ELF4: variants seen among roughly 807,000 people sequenced by gnomAD.
ELF4 encodes E74 like ETS transcription factor 4, also known as ETS-related transcription factor Elf-4.
ELF4 carries 10 observed loss-of-function variants against 31.7 expected under a neutral mutation model. The ratio of observed to expected loss-of-function variants is 0.32; its 90% CI spans 0.19 to 0.54. ELF4 has a LOEUF of 0.54. ELF4 is among the 20% of genes least tolerant of loss of function. The pLI, the probability that ELF4 is intolerant of heterozygous loss-of-function variation, is 0.95. For missense variants in ELF4, 418 were observed against 522.0 expected, an observed-to-expected ratio of 0.80 and a Z score of 1.94; for synonymous variants, 208 against 226.7, an observed-to-expected ratio of 0.92 and a Z score of 0.74.
At chrX:130,088,043 A>T (rs1421331265) in intron 1 of ELF4, among the ~76,000 whole-genome samples, 1 of 110,806 alleles carries the variant, frequency 9.0e-6, no homozygotes, top group African/African-American at 3.3e-5. Flanking sequence ...AGCGACTGTG[A>T]GTTACTGTAG....
At position 130,108,241 on chromosome X, in the gene ELF4, C is replaced by A. The variant is rs72614137; in HGVS notation, c.-210+2084G>T. Among the ~76,000 whole-genome samples the A allele has an allele frequency of 6.8e-4, 73 of 108,096 alleles. No homozygotes were observed. In the East Asian group the frequency reaches 0.022, roughly 32 times the overall value. 93.9% of individuals were successfully genotyped at this position (108,096 alleles called of 115,157 possible). A position where few individuals can be genotyped will look rare whatever the true frequency, so the allele number is the denominator to read the frequency against. On this transcript the variant is annotated intron_variant, in intron 1 of 8. Coordinates refer to ENST00000308167, the MANE Select transcript of ELF4 (RefSeq NM_001421.4). ...AAAAAAGAACTGGAGGTAAGGAGTT[C>A]AAGATTACAGTGAGCTGTGACTGTG...
In ELF4 at chrX:130,071,361, A is replaced by C. The variant is rs745674590; in HGVS notation, c.591T>G (p.Ile197Met). The C allele has an allele frequency of 1.7e-6, 2 of 1,211,133 alleles. No homozygotes were observed. The highest frequency in any genetic ancestry group is 3.0e-5 in the East Asian group (1 of 33,794). Residue 197 changes from isoleucine (I) to methionine (M), a missense_variant, in exon 6 of 9, where the codon ATT (isoleucine) becomes ATG (methionine). This residue lies in a region of ELF4 where 88 missense variants were observed against 92.4 expected (regional missense o/e 0.95). Transcript: ENST00000308167. ...CTTTGCCATCCTTTGATTTCTTCCT[A>C]ATGGGGATGCTGGGGTCAGTGACAG... ...TSPVTDPSIP[I>M]RKKSKDGKGS...
chrX:130,068,909 G>A (rs1932750831), intron 8 of ELF4, among the ~76,000 whole-genome samples: 1 of 112,142 alleles, frequency 8.9e-6, no homozygotes, highest in South Asian at 3.7e-4. Context: ...TGGCGACAGA[G>A]TAGAGCTTGG....
In ELF4 at chrX:130,067,127, C is replaced by T. The variant is rs1427320113; in HGVS notation, c.1586G>A (p.Gly529Asp). The T allele has an allele frequency of 3.3e-6, 4 of 1,200,639 alleles. No individual in the cohort carries two copies. Among genetic ancestry groups the T allele is most frequent in the Non-Finnish European group, 4.5e-6 (4 of 888,916 alleles). Residue 529 changes from glycine (G) to aspartate (D), a missense_variant, in exon 9 of 9, where the codon GGC (glycine) becomes GAC (aspartate). Around this residue, in one of 4 missense-constraint regions of ELF4, gnomAD observed 260 missense variants for 269.2 expected, o/e 0.97. Coordinates refer to ENST00000308167, the MANE Select transcript of ELF4 (RefSeq NM_001421.4). ...CTTGACCCTAGGGGCTGCTGTAGTGCCAGAAGTCCTGATGAAGGCAGCAAT... is the reference window on the plus strand; with the variant it reads ...CTTGACCCTAGGGGCTGCTGTAGTGTCAGAAGTCCTGATGAAGGCAGCAAT... ...TVIAAFIRTS[G>D]TTAAPRVKEG...
intron 1 of ELF4, among the ~76,000 whole-genome samples, chrX:130,083,308 A>C: frequency 1.8e-5 from 1 of 55,040 alleles, no homozygotes; most frequent in East Asian, 6.7e-4. Context: ...CCCATTCTCC[A>C]CTGGTCTGTG....
intron 1 of ELF4, among the ~76,000 whole-genome samples, chrX:130,083,962 G>A (rs1257384439): frequency 9.0e-6 from 1 of 111,648 alleles, no homozygotes; most frequent in Non-Finnish European, 1.9e-5. Flanking sequence ...TAGGTGTCAC[G>A]TACTCTGCCT....
intron 1 of ELF4, among the ~76,000 whole-genome samples, chrX:130,087,903 G>T (rs918062045): frequency 6.2e-5 from 7 of 112,160 alleles, no homozygotes; most frequent in Non-Finnish European, 1.1e-4. Context: ...AGGCTGAGGG[G>T]ACAAAAGCAA....
chrX:130,101,038 A>C (rs891132380), intron 1 of ELF4, among the ~76,000 whole-genome samples: 2 of 112,435 alleles, frequency 1.8e-5, no homozygotes, highest in Admixed American at 9.5e-5. Flanking sequence ...CATTTATTCT[A>C]AGTGGCATTG....
chrX:130,100,146 A>G (rs1178814537), intron 1 of ELF4, among the ~76,000 whole-genome samples: 2 of 111,577 alleles, frequency 1.8e-5, no homozygotes, highest in Admixed American at 1.9e-4. Flanking sequence ...TTAGGAAGCT[A>G]TATGGAGTGA....
chrX:130,082,542 C>T (rs763661557), intron 1 of ELF4, among the ~76,000 whole-genome samples: 4 of 111,778 alleles, frequency 3.6e-5, no homozygotes, highest in Admixed American at 9.4e-5. Flanking sequence ...CTGTGTCTGC[C>T]GCAGCCCAAA....
At chrX:130,101,743 G>A (rs1933259799) in intron 1 of ELF4, among the ~76,000 whole-genome samples, 1 of 110,711 alleles carries the variant, frequency 9.0e-6, no homozygotes, top group Admixed American at 9.7e-5. Context: ...AGGTTGCAGT[G>A]AGCCGAGATC....
intron 1 of ELF4, among the ~76,000 whole-genome samples, chrX:130,087,272 G>A (rs1291342567): frequency 8.9e-6 from 1 of 112,021 alleles, no homozygotes; most frequent in Non-Finnish European, 1.9e-5. Flanking sequence ...ATAACGGTCT[G>A]CCAGCTCCAG....
rs1932618472 is a variant in ELF4, at chrX:130,064,430, C to T, written c.*2291G>A. ...TCCAGCCGACAGAGCAAGACTCTGA[C>T]TCAAAAACAAACGAACAAACAAAAA... On this transcript the variant is annotated 3_prime_UTR_variant, in exon 9 of 9. Coordinates refer to ENST00000308167, the MANE Select transcript of ELF4 (RefSeq NM_001421.4). 8.9e-6 allele frequency among the ~76,000 whole-genome samples: 1 copy of T among 112,159 alleles called. No individual in the cohort carries two copies. The highest frequency in any genetic ancestry group is 1.9e-5 in the Non-Finnish European group (1 of 53,241).
At position 130,070,982 on chromosome X, in the gene ELF4, TAAGG is replaced by T. The variant is rs1932782466; in HGVS notation, c.809+54_809+57del. 5 of 1,196,225 alleles carry T rather than the reference TAAGG, an allele frequency of 4.2e-6. No individual in the cohort carries two copies. In the Admixed American group the frequency reaches 1.1e-4, roughly 26 times the overall value. On this transcript the variant is annotated intron_variant, in intron 7 of 8. Transcript: ENST00000308167. ...GAAAGCGAGGAGGACTCCTTGGACT[TAAGG>T]AAGGATTGGTGATCCCCAGGGCAGG... is the stretch of plus-strand genomic sequence containing the variant.
intron 1 of ELF4, among the ~76,000 whole-genome samples, chrX:130,083,832 CTGGATGGATGGATGGATGGA>C (rs773641555): frequency 7.8e-5 from 8 of 103,187 alleles, no homozygotes; most frequent in African/African-American, 2.9e-4. Context: ...GGATGGATGG[CTGGATGGATGGATGGATGGA>C]TGGATGGATG....
chrX:130,093,832 G>A (rs1165355828), intron 1 of ELF4, among the ~76,000 whole-genome samples: 1 of 112,104 alleles, frequency 8.9e-6, no homozygotes, highest in Non-Finnish European at 1.9e-5. Flanking sequence ...GGTTCTGGAT[G>A]GGCCTGCAAA....
At chrX:130,083,214 G>C (rs1285271039) in intron 1 of ELF4, among the ~76,000 whole-genome samples, 1 of 108,043 alleles carries the variant, frequency 9.3e-6, no homozygotes, top group Non-Finnish European at 1.9e-5. Flanking sequence ...TGAGTACTGG[G>C]AGGAGGCGCC....
At chrX:130,082,279 G>A (rs926354167) in intron 1 of ELF4, among the ~76,000 whole-genome samples, 93 of 111,466 alleles carry the variant, frequency 8.3e-4, no homozygotes, top group Non-Finnish European at 1.5e-3. Flanking sequence ...AGAGAGCCTG[G>A]AGACTGGGGG....
chrX:130,075,278 C>CTT (rs751479115), intron 2 of ELF4, among the ~76,000 whole-genome samples: 1 of 79,295 alleles, frequency 1.3e-5, no homozygotes, highest in African/African-American at 4.8e-5. Context: ...CAAGGGCAAG[C>CTT]TTTTTTTTTT....
Sources: allele counts gnomAD v4.1 joint callset (sites outside exome capture counted in the v4.1 genomes callset), GRCh38; gene constraint gnomAD v4.1.1; regional missense constraint gnomAD v4.1.1; transcripts MANE v1.5; gene names NCBI Gene and HGNC (gene_info 2026-07-23, HGNC 2026-07-21).